The following DTHD1 variants were observed in gnomAD, a reference collection of about 807,000 sequenced individuals.
The protein encoded by DTHD1 is death domain containing 1.
Under a neutral mutation model 74.8 loss-of-function variants are expected in DTHD1, and 59 were observed. The ratio of observed to expected loss-of-function variants is 0.79; its 90% CI spans 0.64 to 0.98. The LOEUF (loss-of-function observed/expected upper bound fraction) is 0.98, where lower values mean the gene tolerates loss of function less well. Among genes scored for constraint, DTHD1 ranks in the 50% least tolerant of loss-of-function variants. DTHD1 has a pLI of 0.00. For missense variants in DTHD1, 1,051 were observed against 1,065.4 expected, an observed-to-expected ratio of 0.99 and a Z score of 0.19; for synonymous variants, 365 against 371.1, an observed-to-expected ratio of 0.98 and a Z score of 0.19.
intron 4 of DTHD1, among the ~76,000 whole-genome samples, chr4:36,294,249 C>T (rs1164392544): frequency 6.6e-6 from 1 of 151,980 alleles, no homozygotes; most frequent in African/African-American, 2.4e-5. Context: ...TACCCTCATT[C>T]CCCTCCCATG....
rs564475767 is a variant in DTHD1 at position 36,284,205 on chromosome 4, G to C, written c.501G>C (p.Glu167Asp). The C allele has an allele frequency of 6.5e-7, 1 of 1,537,018 alleles. No homozygotes were observed. The highest frequency in any genetic ancestry group is 1.4e-5 in the African/African-American group (1 of 73,020). ...ETATVSPTNG[E>D]ESHYTNQVQL... ...CTACTGTTTCTCCCACAAATGGAGA[G>C]GAAAGTCATTACACAAACCAGGTCC... The change falls in exon 2 of 10, where the codon GAG (glutamate) becomes GAC (aspartate). Residue 167 changes from glutamate to aspartate, a missense_variant. Physicochemically the swap from Glu to Asp is conservative, Grantham distance 45 (BLOSUM62 2). Transcript: ENST00000639862.
chr4:36,323,461 A>G (rs2109538326), intron 8 of DTHD1, among the ~76,000 whole-genome samples: 1 of 152,188 alleles, frequency 6.6e-6, no homozygotes, highest in South Asian at 2.1e-4. Flanking sequence ...TGAACCATTA[A>G]AAAATGTTTA....
chr4:36,286,487 G>T (rs1193962164), intron 2 of DTHD1, among the ~76,000 whole-genome samples: 1 of 152,198 alleles, frequency 6.6e-6, no homozygotes, highest in Non-Finnish European at 1.5e-5. Flanking sequence ...CTCAGAATGT[G>T]TTGTCAATTC....
chr4:36,293,653 C>A lies in DTHD1; in HGVS notation c.1346C>A (p.Ser449Tyr), dbSNP rs542623785. The A allele has an allele frequency of 4.0e-5, 62 of 1,542,686 alleles. No homozygotes were observed. The highest frequency in any genetic ancestry group is 5.2e-5 in the Non-Finnish European group (59 of 1,141,524). ...ALKSSMDSRISLNYPPGVFTS... is the reference protein window; with the variant it reads ...ALKSSMDSRIYLNYPPGVFTS... ...AAGTCAAGCATGGATTCCCGAATAT[C>A]CTTAAATTACCCTCCAGGAGTTTTT... The change falls in exon 4 of 10, where the codon TCC (serine) becomes TAC (tyrosine). Residue 449 changes from serine (S) to tyrosine (Y), a missense_variant. Transcript: ENST00000639862.
At chr4:36,324,008 A>G (rs1254030780) in intron 8 of DTHD1, among the ~76,000 whole-genome samples, 2 of 152,152 alleles carry the variant, frequency 1.3e-5, no homozygotes, top group African/African-American at 2.4e-5. Flanking sequence ...CACAATTTTG[A>G]CCATGTCACT....
At chr4:36,317,441 C>A (rs1290233093) in intron 8 of DTHD1, among the ~76,000 whole-genome samples, 1 of 152,066 alleles carries the variant, frequency 6.6e-6, no homozygotes, top group Non-Finnish European at 1.5e-5. Flanking sequence ...ATACACACTG[C>A]ATTTCAAAGA....
At position 36,327,408 on chromosome 4, in the gene DTHD1, A is replaced by C. The variant is rs144594099; in HGVS notation, c.2340+10922A>C. 2.2e-3 allele frequency among the ~76,000 whole-genome samples: 338 copies of C among 152,306 alleles called. 1 individual carries two copies. Among genetic ancestry groups the C allele is most frequent in the African/African-American group, 5.8e-3 (243 of 41,570 alleles). ...AATCTAAAAGTGGAACAATAAAGAG[A>C]GGAGGTTAATATTAATGCAAGTTCT... On this transcript the variant is annotated intron_variant, in intron 8 of 9. Coordinates refer to ENST00000639862, the MANE Select transcript of DTHD1 (RefSeq NM_001170700.3).
intron 8 of DTHD1, among the ~76,000 whole-genome samples, chr4:36,328,175 C>T (rs1204937537): frequency 6.6e-6 from 1 of 152,122 alleles, no homozygotes; most frequent in Admixed American, 6.6e-5. Flanking sequence ...ATTTTGTTTC[C>T]AAATCGAATT....
At chr4:36,294,523 T>C (rs1483220969) in intron 4 of DTHD1, among the ~76,000 whole-genome samples, 2 of 152,048 alleles carry the variant, frequency 1.3e-5, no homozygotes, top group Non-Finnish European at 2.9e-5. Flanking sequence ...CTAGGTCATT[T>C]TGTTGCCTGC....
Position 36,346,300 on chromosome 4 carries a change from T to A in DTHD1, c.*2476T>A, listed in dbSNP as rs891799547. On this transcript the variant is annotated 3_prime_UTR_variant, in exon 10 of 10. Transcript: ENST00000639862. ...TACCACTTCACCTGCACATATACAA[T>A]CTCATTAAAACACTCCCTGTCATAA... Among the ~76,000 whole-genome samples, 2 of 151,662 alleles carry A rather than the reference T, an allele frequency of 1.3e-5. No homozygotes were observed. The highest frequency in any genetic ancestry group is 6.6e-5 in the Admixed American group (1 of 15,186).
chr4:36,285,836 C>T (rs180761746), intron 2 of DTHD1, among the ~76,000 whole-genome samples: 196 of 152,226 alleles, frequency 1.3e-3, no homozygotes, highest in African/African-American at 4.5e-3. Context: ...CGACCTAACA[C>T]CAGGCCACTT....
At chr4:36,334,705 G>A (rs41378948) in intron 8 of DTHD1, among the ~76,000 whole-genome samples, 8,145 of 152,314 alleles carry the variant, frequency 0.053, 277 homozygotes, top group South Asian at 0.15. Flanking sequence ...CGCCTCGTGA[G>A]AGAGTGGTAG....
At chr4:36,314,992 A>C (rs897506881) in intron 7 of DTHD1, among the ~76,000 whole-genome samples, 1 of 152,216 alleles carries the variant, frequency 6.6e-6, no homozygotes, top group Non-Finnish European at 1.5e-5. Flanking sequence ...CAGAGATATG[A>C]AAAACAATGG....
intron 7 of DTHD1, among the ~76,000 whole-genome samples, chr4:36,309,217 C>T (rs967511471): frequency 1.3e-5 from 2 of 152,206 alleles, no homozygotes; most frequent in Admixed American, 6.5e-5. Flanking sequence ...AGGCAAATCA[C>T]TTGAGGTCAG....
At chr4:36,306,107 C>T in intron 5 of DTHD1, 84 bp from the exon 6 acceptor site, 2 of 1,237,198 alleles carry the variant, frequency 1.6e-6, no homozygotes, top group Non-Finnish European at 2.2e-6. Context: ...GTTATTAGAT[C>T]ATTCACAATG....
chr4:36,343,160 T>G (rs1759416541), intron 9 of DTHD1, among the ~76,000 whole-genome samples: 1 of 152,248 alleles, frequency 6.6e-6, no homozygotes, highest in South Asian at 2.1e-4. Context: ...TCTGGGAGCT[T>G]GTTAAAAATG....
At chr4:36,300,104 G>T (rs898414527) in intron 5 of DTHD1, among the ~76,000 whole-genome samples, 2 of 152,120 alleles carry the variant, frequency 1.3e-5, no homozygotes, top group African/African-American at 4.8e-5. Context: ...AATCTGCTAA[G>T]TCTAACATCT....
chr4:36,302,553 G>A (rs911950804), intron 5 of DTHD1, among the ~76,000 whole-genome samples: 2 of 151,890 alleles, frequency 1.3e-5, no homozygotes, highest in Non-Finnish European at 2.9e-5. Flanking sequence ...ACATAAATAT[G>A]GCAATATTTA....
chr4:36,305,087 C>T (rs564157101), intron 5 of DTHD1, among the ~76,000 whole-genome samples: 1 of 152,106 alleles, frequency 6.6e-6, no homozygotes, highest in Admixed American at 6.6e-5. Context: ...GCAGGCTACA[C>T]AAGAAGGAAA....
Sources: allele counts gnomAD v4.1 joint callset (sites outside exome capture counted in the v4.1 genomes callset), GRCh38; gene constraint gnomAD v4.1.1; transcripts MANE v1.5; gene names NCBI Gene and HGNC (gene_info 2026-07-23, HGNC 2026-07-21).